Variants in BTBD9 observed in about 807,000 individuals in gnomAD.
The protein encoded by BTBD9 is BTB/POZ domain-containing protein 9.
Under a neutral mutation model 64.3 loss-of-function variants are expected in BTBD9, and 49 were observed. That is an observed-to-expected ratio of 0.76 (90% CI 0.61 to 0.97). The LOEUF is 0.97. BTBD9 is among the 50% of genes least tolerant of loss of function. The pLI is 0.00. For synonymous variants in BTBD9, 260 were observed against 274.7 expected, an observed-to-expected ratio of 0.95 and a Z score of 0.53; for missense variants, 598 against 762.1, an observed-to-expected ratio of 0.78 and a Z score of 2.53.
At chr6:38,505,428 T>A (rs1313908779) in intron 6 of BTBD9, among the ~76,000 whole-genome samples, 1 of 151,776 alleles carries the variant, frequency 6.6e-6, no homozygotes, top group East Asian at 1.9e-4. Flanking sequence ...AGTTTGAGAT[T>A]AGCGAGGCCA....
chr6:38,333,090 T>G (rs1420443717), intron 7 of BTBD9, among the ~76,000 whole-genome samples: 2 of 152,122 alleles, frequency 1.3e-5, no homozygotes, highest in African/African-American at 2.4e-5. Context: ...AGTGATGGAG[T>G]AGAAAGAAGG....
At chr6:38,549,204 A>G (rs146712229) in intron 6 of BTBD9, among the ~76,000 whole-genome samples, 7 of 152,368 alleles carry the variant, frequency 4.6e-5, no homozygotes, top group Admixed American at 6.5e-5. Flanking sequence ...GAACGCTGGT[A>G]AGATAAAACA....
chr6:38,572,271 A>G (rs140127043), intron 6 of BTBD9, among the ~76,000 whole-genome samples: 1 of 152,318 alleles, frequency 6.6e-6, no homozygotes, highest in African/African-American at 2.4e-5. Flanking sequence ...CAAGTACAAC[A>G]ATAGCATAAA....
chr6:38,568,436 C>T (rs1369378114), intron 6 of BTBD9, among the ~76,000 whole-genome samples: 11 of 152,172 alleles, frequency 7.2e-5, no homozygotes, highest in Admixed American at 7.2e-4. Context: ...CTCTTCCTCA[C>T]CAGTTTCATT....
At chr6:38,388,050 T>C (rs1766255607) in intron 6 of BTBD9, among the ~76,000 whole-genome samples, 1 of 152,188 alleles carries the variant, frequency 6.6e-6, no homozygotes, top group Non-Finnish European at 1.5e-5. Flanking sequence ...GAGTGAAATG[T>C]AATCTCCAAG....
intron 10 of BTBD9, among the ~76,000 whole-genome samples, chr6:38,180,828 CT>C (rs1297771421): frequency 3.9e-5 from 6 of 152,242 alleles, no homozygotes; most frequent in African/African-American, 1.2e-4. Context: ...GATCTCTCCC[CT>C]GAGAGAAGCC....
At chr6:38,356,224 TC>T in intron 6 of BTBD9, among the ~76,000 whole-genome samples, 1 of 152,224 alleles carries the variant, frequency 6.6e-6, no homozygotes, top group Non-Finnish European at 1.5e-5. Context: ...GGCTGAGCAC[TC>T]AGAAGGCTCT....
chr6:38,298,656 C>T (rs1428690072), intron 7 of BTBD9, among the ~76,000 whole-genome samples: 1 of 152,118 alleles, frequency 6.6e-6, no homozygotes, highest in African/African-American at 2.4e-5. Context: ...TCCCTTCACC[C>T]TCCCAACCCC....
intron 1 of BTBD9, among the ~76,000 whole-genome samples, chr6:38,606,218 C>T (rs1035672101): frequency 6.6e-6 from 1 of 152,164 alleles, no homozygotes; most frequent in Admixed American, 6.5e-5. Flanking sequence ...CCTTGCTCCT[C>T]AGCTTGCAGA....
intron 6 of BTBD9, among the ~76,000 whole-genome samples, chr6:38,419,572 C>T (rs1767814496): frequency 6.6e-6 from 1 of 152,136 alleles, no homozygotes; most frequent in South Asian, 2.1e-4. Flanking sequence ...AAAATACTCG[C>T]TTAAAAATAC....
Position 38,592,631 on chromosome 6 carries a change from G to A in BTBD9, c.759C>T (p.Ala253=), listed in dbSNP as rs777972538. 1.9e-6 allele frequency: 3 copies of A among 1,613,968 alleles called. No individual in the cohort carries two copies. Among genetic ancestry groups the A allele is most frequent in the African/African-American group, 1.3e-5 (1 of 74,886 alleles). Residue 253 remains alanine, a synonymous_variant, in exon 4 of 11, where the codon GCC becomes GCT. Coordinates refer to ENST00000481247, the MANE Select transcript of BTBD9 (RefSeq NM_001099272.2). ...CCCGGCTCTCAGATCGCACTTTAAT[G>A]GCATCCAGGATGGCATCAGGAGACA... ...GLLSPDAILD[A]IKVRSESRDM...
intron 6 of BTBD9, among the ~76,000 whole-genome samples, chr6:38,398,531 A>G (rs1368518879): frequency 6.6e-6 from 1 of 152,210 alleles, no homozygotes. Context: ...TACAAGTCAC[A>G]GCCTGATTAT....
chr6:38,326,708 C>G (rs1243359199), intron 7 of BTBD9, among the ~76,000 whole-genome samples: 2 of 149,048 alleles, frequency 1.3e-5, no homozygotes, highest in Non-Finnish European at 3.0e-5. Flanking sequence ...GTGCTTCCAA[C>G]TTTTTATAAC....
intron 9 of BTBD9, among the ~76,000 whole-genome samples, chr6:38,212,306 C>A (rs1032558991): frequency 3.9e-5 from 6 of 152,134 alleles, no homozygotes; most frequent in Non-Finnish European, 8.8e-5. Flanking sequence ...TGCTGAGGGG[C>A]CTGCCTGGGG....
intron 9 of BTBD9, among the ~76,000 whole-genome samples, chr6:38,224,087 C>T (rs1337206321): frequency 6.6e-6 from 1 of 152,100 alleles, no homozygotes. Flanking sequence ...GTGGTAAGCA[C>T]CTGTAGTCCC....
chr6:38,341,299 G>A lies in BTBD9; in HGVS notation c.1264+3685C>T, dbSNP rs553573119. Among the ~76,000 whole-genome samples, 5 of 152,204 alleles carry A rather than the reference G, an allele frequency of 3.3e-5. No homozygotes were observed. In the South Asian group the frequency reaches 1.0e-3, roughly 32 times the overall value. On this transcript the variant is annotated intron_variant, in intron 7 of 10. Coordinates refer to ENST00000481247, the MANE Select transcript of BTBD9 (RefSeq NM_001099272.2). Reference sequence around the variant, plus strand: ...CTGTTCAGTTTTAGGGTAGTATGACGGTATTGTGTTTATGGCTACAATAAG... The same window carrying A: ...CTGTTCAGTTTTAGGGTAGTATGACAGTATTGTGTTTATGGCTACAATAAG...
chr6:38,452,606 G>A (rs1769609245), intron 6 of BTBD9, among the ~76,000 whole-genome samples: 1 of 152,000 alleles, frequency 6.6e-6, no homozygotes, highest in East Asian at 1.9e-4. Context: ...GAAATTATGA[G>A]AGATGAATGA....
intron 1 of BTBD9, among the ~76,000 whole-genome samples, chr6:38,611,524 C>A (rs958883213): frequency 4.6e-5 from 7 of 152,086 alleles, no homozygotes; most frequent in Admixed American, 4.6e-4. Flanking sequence ...CTGATGCAGA[C>A]AGAATTTTAG....
intron 6 of BTBD9, among the ~76,000 whole-genome samples, chr6:38,556,056 A>C (rs988773801): frequency 2.0e-5 from 3 of 152,208 alleles, no homozygotes; most frequent in Non-Finnish European, 2.9e-5. Flanking sequence ...TTCCCTATGC[A>C]ACCTTCAAAA....
Sources: allele counts gnomAD v4.1 joint callset (sites outside exome capture counted in the v4.1 genomes callset), GRCh38; gene constraint gnomAD v4.1.1; transcripts MANE v1.5; gene names NCBI Gene and HGNC (gene_info 2026-07-23, HGNC 2026-07-21).